The following COQ10A variants were observed in gnomAD, a reference collection of about 807,000 sequenced individuals.
The protein encoded by COQ10A is coenzyme Q10A, also known as coenzyme Q-binding protein COQ10 homolog A, mitochondrial.
Under a neutral mutation model 26.1 loss-of-function variants are expected in COQ10A, and 25 were observed. The ratio of observed to expected loss-of-function variants is 0.96; its 90% CI spans 0.70 to 1.34. The LOEUF (loss-of-function observed/expected upper bound fraction) is 1.34, where lower values mean the gene tolerates loss of function less well. COQ10A is among the 40% of genes most tolerant of loss of function. The pLI, the probability that COQ10A is intolerant of heterozygous loss-of-function variation, is 0.00. For missense variants in COQ10A, 312 were observed against 335.4 expected, an observed-to-expected ratio of 0.93 and a Z score of 0.54; for synonymous variants, 132 against 124.0, an observed-to-expected ratio of 1.06 and a Z score of -0.43.
In COQ10A at chr12:56,267,862, C is replaced by T; in HGVS notation, c.203C>T (p.Pro68Leu). ...ATCTTGGCGGCTGAGGCTGGCTTAC[C>T]TTCGAGCCGTTCCTTCATGGGATTT... is the stretch of plus-strand genomic sequence containing the variant. The part of the protein sequence containing the change: ...AQILAAEAGL[P>L]SSRSFMGFAA... The change falls in exon 2 of 5, where the codon CCT (proline) becomes CTT (leucine). Residue 68 changes from proline (P) to leucine (L), a missense_variant. By Grantham distance (98) the Pro-to-Leu change is moderately conservative. Coordinates refer to ENST00000308197, the MANE Select transcript of COQ10A (RefSeq NM_144576.4). 6.2e-7 allele frequency: 1 copy of T among 1,614,204 alleles called. No individual in the cohort carries two copies. Among genetic ancestry groups the T allele is most frequent in the Non-Finnish European group, 8.5e-7 (1 of 1,180,032 alleles).
chr12:56,270,281 C>T lies in COQ10A; in HGVS notation c.708C>T (p.Pro236=). The T allele has an allele frequency of 6.2e-7, 1 of 1,614,138 alleles. No individual in the cohort carries two copies. The highest frequency in any genetic ancestry group is 8.5e-7 in the Non-Finnish European group (1 of 1,180,024). Residue 236 remains proline, a synonymous_variant, in exon 5 of 5, where the codon CCC becomes CCT. Transcript: ENST00000308197. The stretch of plus-strand genomic sequence containing the variant: ...AGTTTGGTCCAGAAACAGCCATCCC[C>T]CGTGAACTGATGTTCCATGAGGTGC... The part of the protein sequence containing the change: ...ATKFGPETAI[P]RELMFHEVHQ...
Position 56,269,094 on chromosome 12 carries a change from A to G in COQ10A, c.317A>G (p.Asn106Ser), listed in dbSNP as rs180756263. 8.7e-6 allele frequency: 14 copies of G among 1,614,016 alleles called. No individual in the cohort carries two copies. The highest frequency in any genetic ancestry group is 2.2e-5 in the East Asian group (1 of 44,882). ...SMQEMYEVVS[N>S]VQEYREFVPW... ...CAGGAGATGTATGAGGTGGTGTCCA[A>G]CGTCCAGGAGTATCGTGAGTTTGTG... The change falls in exon 3 of 5, where the codon AAC (asparagine) becomes AGC (serine). Residue 106 changes from asparagine (N) to serine (S), a missense_variant. By Grantham distance (46) the Asn-to-Ser change is conservative (BLOSUM62 1). Transcript: ENST00000308197.
At chr12:56,268,350 G>T (rs1033032585) in intron 2 of COQ10A, 1 of 187,830 alleles carries the variant, frequency 5.3e-6, no homozygotes, top group South Asian at 9.0e-5. Context: ...GCACGGTGGC[G>T]GGCGCCTTTA....
chr12:56,267,452 C>CT lies in COQ10A; in HGVS notation c.134+202dup, dbSNP rs749238993. 1.2e-5 allele frequency: 20 copies of CT among 1,613,904 alleles called. No individual in the cohort carries two copies. In the African/African-American group the frequency reaches 2.3e-4, roughly 18 times the overall value. On this transcript the variant is annotated intron_variant, in intron 1 of 4. Transcript: ENST00000308197. ...TCTCGGGGTGAGTGTCCAACCTCTT[C>CT]TTGGCCCTCGCGGGCGCCCTGGGGT...
At chr12:56,267,436 G>T in intron 1 of COQ10A, 184 bp downstream of exon 1, 1 of 1,613,966 alleles carries the variant, frequency 6.2e-7, no homozygotes, top group Non-Finnish European at 8.5e-7. Context: ...TTCTCGGGGT[G>T]AGTGTCCAAC....
At position 56,270,190 on chromosome 12, in the gene COQ10A, C is replaced by T. The variant is rs1872472663; in HGVS notation, c.617C>T (p.Ala206Val). 6.2e-7 allele frequency: 1 copy of T among 1,614,022 alleles called. No individual in the cohort carries two copies. Among genetic ancestry groups the T allele is most frequent in the African/African-American group, 1.3e-5 (1 of 74,912 alleles). The change falls in exon 5 of 5, where the codon GCC becomes GTC. Residue 206 changes from alanine (A) to valine (V), a missense_variant. Physicochemically the swap from Ala to Val is moderately conservative, Grantham distance 64 (BLOSUM62 0). Coordinates refer to ENST00000308197, the MANE Select transcript of COQ10A (RefSeq NM_144576.4). ...CGTTCTCTGCTGCACTCCCAGCTGG[C>T]CACCATGTTTTTTGATGAGGTTGTC... ...EFRSLLHSQLATMFFDEVVKQ... is the reference protein window; with the variant it reads ...EFRSLLHSQLVTMFFDEVVKQ...
intron 1 of COQ10A, 73 bp downstream of exon 1, chr12:56,267,325 T>C: frequency 6.2e-7 from 1 of 1,612,766 alleles, no homozygotes; most frequent in Non-Finnish European, 8.5e-7. Flanking sequence ...GGAGGGGTGC[T>C]ATACTGGGAT....
Position 56,267,844 on chromosome 12 carries a change from C to T in COQ10A, c.185C>T (p.Ala62Val), listed in dbSNP as rs1162471337. Residue 62 changes from alanine to valine, a missense_variant, in exon 2 of 5, where the codon GCG (alanine) becomes GTG (valine). Physicochemically the swap from Ala to Val is moderately conservative, Grantham distance 64. Transcript: ENST00000308197. ...LLLPRAAQIL[A>V]AEAGLPSSRS... ...TTGCCTCGGGCTGCCCAGATCTTGG[C>T]GGCTGAGGCTGGCTTACCTTCGAGC... The T allele has an allele frequency of 1.2e-6, 2 of 1,614,186 alleles. No homozygotes were observed. Among genetic ancestry groups the T allele is most frequent in the Non-Finnish European group, 1.7e-6 (2 of 1,180,038 alleles).
chr12:56,270,152 T>A lies in COQ10A; in HGVS notation c.579T>A (p.Ile193=). 6.2e-7 allele frequency: 1 copy of A among 1,613,514 alleles called. No homozygotes were observed. Residue 193 remains isoleucine (I), a splice_region_variant and synonymous_variant, in exon 5 of 5, where the codon ATT becomes ATA. Transcript: ENST00000308197. ...YPRTCTVDFS[I]SFEFRSLLHS... ...GACTGTCTCTTACCCATTCCCAGAT[T>A]TCCTTTGAATTTCGTTCTCTGCTGC...
rs1424080330 is a variant in COQ10A at position 56,267,909 on chromosome 12, C to T, written c.250C>T (p.Arg84Ter). ...MGFAAPFTNK[R>*]KAYSERRIMG... ...ATTTGCTGCTCCCTTCACCAACAAG[C>T]GAAAGGCTTACTCGGAGCGTAGAAT... The change falls in exon 2 of 5, where the codon CGA becomes TGA. Residue 84 changes from arginine to a stop codon, truncating the protein, a stop_gained. Transcript: ENST00000308197. LOFTEE classifies it high-confidence loss of function. The T allele has an allele frequency of 1.2e-6, 2 of 1,614,130 alleles. No homozygotes were observed. Among genetic ancestry groups the T allele is most frequent in the Non-Finnish European group, 8.5e-7 (1 of 1,180,018 alleles).
chr12:56,269,208 G>T lies in COQ10A; in HGVS notation c.431G>T (p.Arg144Leu). 1 of 1,614,146 alleles carries T rather than the reference G, an allele frequency of 6.2e-7. No individual in the cohort carries two copies. The highest frequency in any genetic ancestry group is 8.5e-7 in the Non-Finnish European group (1 of 1,180,026). The change falls in exon 3 of 5, where the codon CGT (arginine) becomes CTT (leucine). Residue 144 changes from arginine to leucine, a missense_variant. Arg to Leu is a moderately radical substitution (Grantham distance 102). Transcript: ENST00000308197. The stretch of plus-strand genomic sequence containing the variant: ...GTTGGCTTTCCACCTGTCATGGAAC[G>T]TTACACCTCTGCAGTTTCCATGGTC... ...LEVGFPPVME[R>L]YTSAVSMVKP...
At chr12:56,270,023 T>C in intron 4 of COQ10A, 127 bp from the exon 5 acceptor site, 1 of 902,828 alleles carries the variant, frequency 1.1e-6, no homozygotes, top group South Asian at 1.6e-5. Flanking sequence ...AAGTTAGGGC[T>C]CTTACGGGGA....
chr12:56,269,650 T>TG (rs1188480410), intron 4 of COQ10A, 89 bp downstream of exon 4: 1 of 973,180 alleles, frequency 1.0e-6, no homozygotes. Flanking sequence ...TTATTTGAGA[T>TG]GGAGTCTTGC....
chr12:56,269,335 G>C lies in COQ10A; in HGVS notation c.474+84G>C, dbSNP rs1008205303. 8.7e-6 allele frequency: 13 copies of C among 1,491,474 alleles called. No homozygotes were observed. The African/African-American group carries it at 1.8e-4, about 21-fold the overall frequency. The allele number at this position is 1,491,474 out of a possible 1,614,324, so 92.4% of individuals were successfully genotyped here. On this transcript the variant is annotated intron_variant, in intron 3 of 4. Coordinates refer to ENST00000308197, the MANE Select transcript of COQ10A (RefSeq NM_144576.4). ...AGTGCTATTTTGGCCTTCCTTGTAAGTACTTTATGTCCATGTGTCAAGTAT... is the reference window on the plus strand; with the variant it reads ...AGTGCTATTTTGGCCTTCCTTGTAACTACTTTATGTCCATGTGTCAAGTAT...
chr12:56,269,148 C>A lies in COQ10A; in HGVS notation c.371C>A (p.Ser124Tyr), dbSNP rs752712993. The change falls in exon 3 of 5, where the codon TCC becomes TAC. Residue 124 changes from serine (S) to tyrosine (Y), a missense_variant. By Grantham distance (144) the Ser-to-Tyr change is moderately radical. Transcript: ENST00000308197. ...TGGTGTAAGAAGTCTCTGGTGGTAT[C>A]CAGCCGTAAGGGTCATTTGAAAGCC... ...VPWCKKSLVV[S>Y]SRKGHLKAQL... 3.1e-6 allele frequency: 5 copies of A among 1,613,940 alleles called. No homozygotes were observed. The highest frequency in any genetic ancestry group is 4.2e-6 in the Non-Finnish European group (5 of 1,180,010).
intron 4 of COQ10A, 77 bp from the exon 5 acceptor site, chr12:56,270,073 G>T (rs924632611): frequency 6.9e-7 from 1 of 1,453,284 alleles, no homozygotes; most frequent in Admixed American, 1.8e-5. Context: ...AGGCACTGAG[G>T]AACAGTTTCC....
Position 56,270,282 on chromosome 12 carries a change from C to T in COQ10A, c.709C>T (p.Arg237Cys), listed in dbSNP as rs369239177. 1.9e-5 allele frequency: 31 copies of T among 1,614,170 alleles called. No individual in the cohort carries two copies. The Middle Eastern group carries it at 8.2e-4, about 43-fold the overall frequency. Residue 237 changes from arginine (R) to cysteine (C), a missense_variant, in exon 5 of 5, where the codon CGT becomes TGT. Transcript: ENST00000308197. ...GTTTGGTCCAGAAACAGCCATCCCC[C>T]GTGAACTGATGTTCCATGAGGTGCA... The part of the protein sequence containing the change: ...TKFGPETAIP[R>C]ELMFHEVHQT
In COQ10A at chr12:56,267,109, G is replaced by A; in HGVS notation, c.-10G>A. On this transcript the variant is annotated 5_prime_UTR_variant, in exon 1 of 5. Coordinates refer to ENST00000308197, the MANE Select transcript of COQ10A (RefSeq NM_144576.4). ...CGTCAGAACTTAGAGGGCCAGGCAG[G>A]GTCGCGCGCATGGCCTGGGCGGGCT... The A allele has an allele frequency of 1.6e-6, 2 of 1,286,670 alleles. No individual in the cohort carries two copies. The highest frequency in any genetic ancestry group is 2.0e-6 in the Non-Finnish European group (2 of 1,021,814). The allele number at this position is 1,286,670 out of a possible 1,614,324, so 79.7% of individuals were successfully genotyped here.
chr12:56,267,710 GATGC>G, intron 1 of COQ10A, 80 bp from the exon 2 acceptor site: 1 of 1,572,222 alleles, frequency 6.4e-7, no homozygotes, highest in Non-Finnish European at 8.8e-7. Context: ...CTTCGTCTGG[GATGC>G]ACTCTTCTTC....
Sources: allele counts gnomAD v4.1 joint callset, GRCh38; gene constraint gnomAD v4.1.1; transcripts MANE v1.5; gene names NCBI Gene and HGNC (gene_info 2026-07-23, HGNC 2026-07-21).